ITPR1: variants seen among roughly 807,000 people sequenced by gnomAD.
ITPR1 encodes inositol 1,4,5-trisphosphate receptor type 1, also known as inositol 1,4,5-trisphosphate-gated calcium channel ITPR1.
ITPR1 carries 96 observed loss-of-function variants against 318.4 expected under a neutral mutation model. The observed-to-expected ratio is 0.30, with a 90% confidence interval of 0.26 to 0.36. The LOEUF (loss-of-function observed/expected upper bound fraction) is 0.36, where lower values mean the gene tolerates loss of function less well. Among genes scored for constraint, ITPR1 ranks in the 10% least tolerant of loss-of-function variants. The pLI, the probability that ITPR1 is intolerant of heterozygous loss-of-function variation, is 1.00. For synonymous variants in ITPR1, 1,312 were observed against 1,289.9 expected (o/e 1.02, Z -0.37); for missense variants, 2,440 against 3,460.2 (o/e 0.71, Z 7.40).
At chr3:4,818,307 C>A in intron 60 of ITPR1, 65 bp downstream of exon 60, 1 of 1,331,524 alleles carries the variant, frequency 7.5e-7, no homozygotes, top group East Asian at 2.4e-5. Flanking sequence ...AGCAAGGCCC[C>A]AGCAGCCCAT....
At chr3:4,809,968 ACAGAACTAGTCT>A (rs1182304515) in intron 55 of ITPR1, among the ~76,000 whole-genome samples, 2 of 152,196 alleles carry the variant, frequency 1.3e-5, no homozygotes, top group African/African-American at 2.4e-5. Flanking sequence ...AATGCCCTTC[ACAGAACTAGTCT>A]CAGAACACAG....
chr3:4,567,930 G>T (rs1460088287), intron 4 of ITPR1, among the ~76,000 whole-genome samples: 1 of 152,162 alleles, frequency 6.6e-6, no homozygotes, highest in African/African-American at 2.4e-5. Flanking sequence ...AGGTGTGAGA[G>T]GTTCAATGAT....
At chr3:4,815,671 C>G (rs2049247770) in intron 59 of ITPR1, among the ~76,000 whole-genome samples, 1 of 152,010 alleles carries the variant, frequency 6.6e-6, no homozygotes, top group Non-Finnish European at 1.5e-5. Flanking sequence ...AAATCATTTT[C>G]AGTATAACTA....
chr3:4,614,932 C>G (rs1250115309), intron 4 of ITPR1, among the ~76,000 whole-genome samples: 27 of 152,194 alleles, frequency 1.8e-4, no homozygotes, highest in Admixed American at 1.7e-3. Context: ...CCTTATCACT[C>G]TATGGTTCAG....
intron 59 of ITPR1, chr3:4,817,376 T>C (rs547477506): frequency 6.1e-4 from 93 of 152,346 alleles, no homozygotes; most frequent in African/African-American, 2.2e-3. Context: ...ACACAGCACA[T>C]GTATCTGCAC....
intron 53 of ITPR1, among the ~76,000 whole-genome samples, chr3:4,797,700 C>G (rs1405614458): frequency 6.6e-6 from 1 of 152,208 alleles, no homozygotes; most frequent in Non-Finnish European, 1.5e-5. Context: ...CAAATATACA[C>G]ACAAGTAGAA....
chr3:4,520,997 C>T (rs753169427), intron 3 of ITPR1, 27 bp from the exon 4 acceptor site: 17 of 1,567,748 alleles, frequency 1.1e-5, no homozygotes, highest in Middle Eastern at 1.7e-4. Flanking sequence ...ATACACTTGA[C>T]AGAGCATTTA....
chr3:4,740,813 C>G (rs967015455), intron 44 of ITPR1, among the ~76,000 whole-genome samples: 1 of 152,174 alleles, frequency 6.6e-6, no homozygotes, highest in African/African-American at 2.4e-5. Context: ...GTGGATTTTC[C>G]AGAAACGGGT....
intron 4 of ITPR1, among the ~76,000 whole-genome samples, chr3:4,611,541 C>T (rs957251690): frequency 6.7e-6 from 1 of 150,366 alleles, no homozygotes; most frequent in African/African-American, 2.4e-5. Context: ...GCCTGGGTGA[C>T]AGAGCGAGAC....
rs2106486788 is a variant in ITPR1, at chr3:4,811,436, C to A, written c.7444C>A (p.Leu2482Met). The A allele has an allele frequency of 6.2e-7, 1 of 1,613,844 alleles. No individual in the cohort carries two copies. The highest frequency in any genetic ancestry group is 1.1e-5 in the South Asian group (1 of 91,076). ...KDDFILEVDR[L>M]PNETAVPETG... is the part of the protein sequence containing the mutation. Reference sequence around the variant, plus strand: ...TGACTTTATCTTGGAAGTAGATAGGCTGCCCAATGAAACAGCTGTTCCAGG... The same window carrying A: ...TGACTTTATCTTGGAAGTAGATAGGATGCCCAATGAAACAGCTGTTCCAGG... Residue 2482 changes from leucine (L) to methionine (M), a missense_variant, in exon 56 of 62, where the codon CTG becomes ATG. Physicochemically the swap from Leu to Met is conservative, Grantham distance 15. Around this residue, in one of 23 missense-constraint regions of ITPR1, gnomAD observed 88 missense variants for 90.5 expected, o/e 0.97. Transcript: ENST00000649015.
rs1172953149 is a variant in ITPR1 at position 4,673,352 on chromosome 3, C to G, written c.2421C>G (p.Leu807=). 1.2e-6 allele frequency: 2 copies of G among 1,611,716 alleles called. No individual in the cohort carries two copies. Among genetic ancestry groups the G allele is most frequent in the East Asian group, 2.2e-5 (1 of 44,822 alleles). The change falls in exon 21 of 62, where the codon CTC becomes CTG. Residue 807 remains leucine, a synonymous_variant. Coordinates refer to ENST00000649015, the MANE Select transcript of ITPR1 (RefSeq NM_001378452.1). ...TCACCCCCGTGAAATATGCCCGCCT[C>G]TGGTCGGAGATTCCCTCGGAGATCG... ...EQVTPVKYAR[L]WSEIPSEIAI... is the part of the protein sequence containing the mutation.
chr3:4,727,216 T>A (rs1391018532), intron 42 of ITPR1, 43 bp downstream of exon 42: 11 of 1,420,462 alleles, frequency 7.7e-6, no homozygotes, highest in Non-Finnish European at 7.8e-6. Flanking sequence ...TAATGATCAA[T>A]GACCGTAACA....
intron 41 of ITPR1, 149 bp downstream of exon 41, chr3:4,725,730 T>A: frequency 1.4e-6 from 1 of 690,512 alleles, no homozygotes; most frequent in Non-Finnish European, 2.5e-6. Flanking sequence ...TGGGAACAGA[T>A]CATTGCTGAC....
intron 39 of ITPR1, among the ~76,000 whole-genome samples, chr3:4,713,507 G>A (rs575563011): frequency 6.6e-5 from 10 of 152,258 alleles, no homozygotes; most frequent in African/African-American, 1.7e-4. Flanking sequence ...ATTGCCTGGC[G>A]GACAAGTATG....
At chr3:4,637,576 G>A (rs998425012) in intron 5 of ITPR1, among the ~76,000 whole-genome samples, 1 of 152,236 alleles carries the variant, frequency 6.6e-6, no homozygotes, top group African/African-American at 2.4e-5. Flanking sequence ...TTATCCTTGT[G>A]TCACTGAGAA....
At chr3:4,729,578 T>C (rs2042758026) in intron 42 of ITPR1, among the ~76,000 whole-genome samples, 1 of 152,230 alleles carries the variant, frequency 6.6e-6, no homozygotes, top group East Asian at 1.9e-4. Context: ...GTTAACTCCT[T>C]AGTGCCTTGT....
At chr3:4,671,229 C>T (rs1470594123) in intron 20 of ITPR1, among the ~76,000 whole-genome samples, 2 of 152,204 alleles carry the variant, frequency 1.3e-5, no homozygotes, top group Non-Finnish European at 1.5e-5. Flanking sequence ...TGTGGGGTCA[C>T]ATCCCTACCT....
intron 4 of ITPR1, among the ~76,000 whole-genome samples, chr3:4,611,046 C>T (rs1398079101): frequency 9.7e-6 from 1 of 102,712 alleles, no homozygotes; most frequent in Admixed American, 9.9e-5. Flanking sequence ...TCCCTCCCTC[C>T]CTCCCTCCCT....
chr3:4,619,204 C>A (rs1575747375), intron 4 of ITPR1, among the ~76,000 whole-genome samples: 3 of 152,160 alleles, frequency 2.0e-5, no homozygotes, highest in Admixed American at 2.0e-4. Context: ...TTCTCCTTGT[C>A]CCATTAGTCT....
Sources: allele counts gnomAD v4.1 joint callset (sites outside exome capture counted in the v4.1 genomes callset), GRCh38; gene constraint gnomAD v4.1.1; regional missense constraint gnomAD v4.1.1; transcripts MANE v1.5; gene names NCBI Gene and HGNC (gene_info 2026-07-23, HGNC 2026-07-21).